ZC3H18: variants seen among roughly 807,000 people sequenced by gnomAD.
The protein encoded by ZC3H18 is zinc finger CCCH-type containing 18.
In ZC3H18, 8 loss-of-function variants were observed where a neutral mutation model predicts 106.1. The observed-to-expected ratio is 0.08, with a 90% CI of 0.04 to 0.14. The LOEUF (loss-of-function observed/expected upper bound fraction) is 0.14. ZC3H18 is among the 10% of genes least tolerant of loss of function. ZC3H18 has a pLI of 1.00. For synonymous variants in ZC3H18, 635 were observed against 522.1 expected, an observed-to-expected ratio of 1.22 and a Z score of -2.95; for missense variants, 1,318 against 1,278.4, an observed-to-expected ratio of 1.03 and a Z score of -0.47.
intron 3 of ZC3H18, among the ~76,000 whole-genome samples, chr16:88,595,474 CT>C (rs11302563): frequency 0.35 from 47,385 of 133,574 alleles, 8,395 homozygotes; most frequent in Middle Eastern, 0.47. Flanking sequence ...TTCTTTCTTT[CT>C]TTTTTTTTTT....
rs1906082243 is a variant in ZC3H18, at chr16:88,623,225, T to C, written c.1674T>C (p.Ser558=). The C allele has an allele frequency of 4.3e-6, 7 of 1,612,686 alleles. No individual in the cohort carries two copies. The highest frequency in any genetic ancestry group is 1.3e-5 in the African/African-American group (1 of 74,926). ...SASASNSSRS[S]SRSSSYSGSG... ...TCCGTCCCGCCCGCCCCAGGTCGTCTTCGCGGTCATCGTCCTACTCTGGCT... is the reference window on the plus strand; with the variant it reads ...TCCGTCCCGCCCGCCCCAGGTCGTCCTCGCGGTCATCGTCCTACTCTGGCT... The change falls in exon 10 of 18, where the codon TCT becomes TCC. Residue 558 remains serine (S), a synonymous_variant. Coordinates refer to ENST00000301011, the MANE Select transcript of ZC3H18 (RefSeq NM_144604.4).
rs62050302 is a variant in ZC3H18, at chr16:88,591,743, C to G, written c.688+5059C>G. On this transcript the variant is annotated intron_variant, in intron 3 of 17. Transcript: ENST00000301011. ...CTTCAGACCCTGCTTTCAGCTCTTT[C>G]GCATGTGCCTGGCAGTGGAGTTGCT... 3.3e-5 allele frequency among the ~76,000 whole-genome samples: 5 copies of G among 152,166 alleles called. No homozygotes were observed. In the East Asian group the frequency reaches 9.6e-4, roughly 29 times the overall value.
At chr16:88,617,237 C>G (rs1356888799) in intron 8 of ZC3H18, among the ~76,000 whole-genome samples, 1 of 152,014 alleles carries the variant, frequency 6.6e-6, no homozygotes, top group Non-Finnish European at 1.5e-5. Context: ...TTGTCCCCGT[C>G]GGGATCTCAT....
chr16:88,578,165 C>A (rs1166636487), intron 2 of ZC3H18, among the ~76,000 whole-genome samples: 1 of 152,312 alleles, frequency 6.6e-6, no homozygotes, highest in Non-Finnish European at 1.5e-5. Context: ...AATTTTCCAT[C>A]TGGTTTTGGA....
intron 3 of ZC3H18, among the ~76,000 whole-genome samples, chr16:88,592,069 G>C (rs1915789343): frequency 6.6e-6 from 1 of 152,254 alleles, no homozygotes; most frequent in Non-Finnish European, 1.5e-5. Context: ...CCTGGTGGTT[G>C]TATGTTTCAT....
At chr16:88,599,652 C>T in intron 5 of ZC3H18, 139 bp from the exon 6 acceptor site, 2 of 1,028,138 alleles carry the variant, frequency 1.9e-6, no homozygotes, top group Non-Finnish European at 2.8e-6. Flanking sequence ...GTCCGCCCCT[C>T]ACCCCTTGAG....
In ZC3H18 at chr16:88,631,168, G is replaced by T; in HGVS notation, c.2731G>T (p.Asp911Tyr). 1.9e-6 allele frequency: 3 copies of T among 1,613,608 alleles called. No individual in the cohort carries two copies. Among genetic ancestry groups the T allele is most frequent in the Non-Finnish European group, 2.5e-6 (3 of 1,180,032 alleles). Residue 911 changes from aspartate (D) to tyrosine (Y), a missense_variant, in exon 18 of 18, where the codon GAT becomes TAT. By Grantham distance (160) the Asp-to-Tyr change is radical. Transcript: ENST00000301011. Reference protein sequence around the residue: ...KVTSVPGKASDPGAASTKSGK... With the variant: ...KVTSVPGKASYPGAASTKSGK... ...CACGAGCGTGCCCGGCAAAGCCTCG[G>T]ATCCCGGCGCCGCCAGCACCAAATC...
rs1254375577 is a variant in ZC3H18 at position 88,587,710 on chromosome 16, A to G, written c.688+1026A>G. 2.4e-6 allele frequency: 3 copies of G among 1,235,788 alleles called. No individual in the cohort carries two copies. The African/African-American group carries it at 4.5e-5, about 19-fold the overall frequency. 76.6% of individuals were successfully genotyped at this position (1,235,788 alleles called of 1,614,324 possible). ...TCCTGGATCCAGAACACAGCTGTGA[A>G]GCCAGAAGGAAAGGGGGTCTTTGAG... On this transcript the variant is annotated intron_variant, in intron 3 of 17. Coordinates refer to ENST00000301011, the MANE Select transcript of ZC3H18 (RefSeq NM_144604.4).
rs2142813944 is a variant in ZC3H18, at chr16:88,623,941, T to A, written c.1794-17T>A. On this transcript the variant is annotated splice_polypyrimidine_tract_variant and intron_variant, in intron 10 of 17. Transcript: ENST00000301011. The stretch of plus-strand genomic sequence containing the variant: ...ACACCCCCAGGCCCCTTCCGACACC[T>A]TTGTTCACTCCCCTAGGTCCCGGTC... The A allele has an allele frequency of 6.2e-7, 1 of 1,603,014 alleles. No homozygotes were observed. Among genetic ancestry groups the A allele is most frequent in the Middle Eastern group, 1.7e-4 (1 of 6,006 alleles).
intron 3 of ZC3H18, among the ~76,000 whole-genome samples, chr16:88,591,128 G>A (rs1040258846): frequency 6.6e-6 from 1 of 151,918 alleles, no homozygotes; most frequent in Non-Finnish European, 1.5e-5. Context: ...CCGCCACCAC[G>A]CCCAGGTAAT....
intron 8 of ZC3H18, among the ~76,000 whole-genome samples, chr16:88,614,710 A>G (rs79287300): frequency 0.021 from 3,222 of 152,376 alleles, 49 homozygotes; most frequent in African/African-American, 0.024. Context: ...TTACATGGTC[A>G]TCCAAACGGG....
chr16:88,581,988 C>T (rs886464765), intron 2 of ZC3H18, among the ~76,000 whole-genome samples: 4 of 152,150 alleles, frequency 2.6e-5, no homozygotes, highest in Non-Finnish European at 5.9e-5. Context: ...CACACTGGCC[C>T]TTGGAAAGGA....
Position 88,577,556 on chromosome 16 carries a change from G to A in ZC3H18, c.433G>A (p.Asp145Asn), listed in dbSNP as rs1914839063. 1.2e-6 allele frequency: 2 copies of A among 1,613,700 alleles called. No homozygotes were observed. Among genetic ancestry groups the A allele is most frequent in the Non-Finnish European group, 1.7e-6 (2 of 1,180,010 alleles). ...PEEPAPAVQE[D>N]EAEKAGAEDD... ...GGAGCCAGCTCCCGCCGTCCAGGAG[G>A]ACGAGGCTGAGAAAGCGGGGGCTGA... The change falls in exon 2 of 18, where the codon GAC becomes AAC. Residue 145 changes from aspartate to asparagine, a missense_variant. Physicochemically the swap from Asp to Asn is conservative, Grantham distance 23 (BLOSUM62 1). This residue lies in a region of ZC3H18 where 346 missense variants were observed against 269.0 expected (regional missense o/e 1.29). Coordinates refer to ENST00000301011, the MANE Select transcript of ZC3H18 (RefSeq NM_144604.4).
intron 7 of ZC3H18, among the ~76,000 whole-genome samples, 187 bp from the exon 8 acceptor site, chr16:88,611,078 TCTC>T (rs1225393742): frequency 6.6e-6 from 1 of 152,170 alleles, no homozygotes; most frequent in Non-Finnish European, 1.5e-5. Context: ...TCTCTTGCCA[TCTC>T]CTCTGTACTC....
In ZC3H18 at chr16:88,585,225, T is replaced by A. The variant is rs182805642; in HGVS notation, c.604-1375T>A. On this transcript the variant is annotated intron_variant, in intron 2 of 17. Transcript: ENST00000301011. Reference sequence around the variant, plus strand: ...ACTTAAGGGATATAACTCTCAGGAATCTGTTCTTTTCCTTATAAAATACTT... The same window carrying A: ...ACTTAAGGGATATAACTCTCAGGAAACTGTTCTTTTCCTTATAAAATACTT... 1.1e-3 allele frequency among the ~76,000 whole-genome samples: 161 copies of A among 152,370 alleles called. 1 individual carries two copies. Among genetic ancestry groups the A allele is most frequent in the Non-Finnish European group, 1.7e-3 (119 of 68,026 alleles).
Position 88,611,232 on chromosome 16 carries a change from G to A in ZC3H18, c.1207-36G>A, listed in dbSNP as rs150289799. ...TCAGTGCCTCTGTCACCCAAATAACGCACGGTGTCCCCATGTGTTTGGCTT... is the reference window on the plus strand; with the variant it reads ...TCAGTGCCTCTGTCACCCAAATAACACACGGTGTCCCCATGTGTTTGGCTT... On this transcript the variant is annotated intron_variant, in intron 7 of 17. Coordinates refer to ENST00000301011, the MANE Select transcript of ZC3H18 (RefSeq NM_144604.4). 118 of 738,374 alleles carry A rather than the reference G, an allele frequency of 1.6e-4. No homozygotes were observed. The East Asian group carries it at 2.3e-3, about 14-fold the overall frequency. 45.7% of individuals were successfully genotyped at this position (738,374 alleles called of 1,614,324 possible).
At chr16:88,571,025 C>G (rs1043049587) in intron 1 of ZC3H18, among the ~76,000 whole-genome samples, 2 of 152,184 alleles carry the variant, frequency 1.3e-5, no homozygotes, top group African/African-American at 4.8e-5. Context: ...TCCGCAGCTT[C>G]AAAGTGTGCA....
At chr16:88,612,252 C>A in intron 8 of ZC3H18, among the ~76,000 whole-genome samples, 1 of 152,108 alleles carries the variant, frequency 6.6e-6, no homozygotes, top group East Asian at 1.9e-4. Context: ...TTTTTTACAA[C>A]TTTATTGAAA....
chr16:88,618,259 G>A (rs1040956370), intron 8 of ZC3H18, among the ~76,000 whole-genome samples: 5 of 151,634 alleles, frequency 3.3e-5, no homozygotes, highest in African/African-American at 7.3e-5. Context: ...TTTCTGTTAC[G>A]TTTTAAGGGA....
Sources: allele counts gnomAD v4.1 joint callset (sites outside exome capture counted in the v4.1 genomes callset), GRCh38; gene constraint gnomAD v4.1.1; regional missense constraint gnomAD v4.1.1; transcripts MANE v1.5; gene names NCBI Gene and HGNC (gene_info 2026-07-23, HGNC 2026-07-21).